Variants in PLCE1 observed in about 807,000 individuals in gnomAD.
The protein encoded by PLCE1 is 1-phosphatidylinositol 4,5-bisphosphate phosphodiesterase epsilon-1.
A neutral mutation model predicts 242.8 loss-of-function variants in PLCE1; 119 were observed. That is an observed-to-expected ratio of 0.49 (90% CI 0.42 to 0.57). PLCE1 has a LOEUF of 0.57. Ranked by LOEUF, PLCE1 falls within the 20% of genes least tolerant of loss-of-function variation. PLCE1 has a pLI of 0.00. For missense variants in PLCE1, 2,441 were observed against 2,788.8 expected (o/e 0.88, Z 2.81); for synonymous variants, 945 against 1,017.4 (o/e 0.93, Z 1.35).
chr10:94,261,102 G>C (rs527464234), intron 13 of PLCE1, among the ~76,000 whole-genome samples: 1 of 152,070 alleles, frequency 6.6e-6, no homozygotes, highest in East Asian at 1.9e-4. Flanking sequence ...TATCATACAG[G>C]ACAGTTTCAC....
intron 13 of PLCE1, among the ~76,000 whole-genome samples, chr10:94,261,211 G>A (rs908108485): frequency 2.0e-5 from 3 of 151,938 alleles, no homozygotes; most frequent in Non-Finnish European, 4.4e-5. Context: ...CCATAGTTTT[G>A]CCTTTTCCAG....
At chr10:94,167,988 A>G (rs1367302982) in intron 3 of PLCE1, among the ~76,000 whole-genome samples, 2 of 152,120 alleles carry the variant, frequency 1.3e-5, no homozygotes, top group Admixed American at 6.6e-5. Flanking sequence ...CGCCCGACCT[A>G]GAATGACTAT....
chr10:94,258,999 C>A lies in PLCE1; in HGVS notation c.3678-15C>A. On this transcript the variant is annotated splice_polypyrimidine_tract_variant and intron_variant, in intron 12 of 32. Transcript: ENST00000371380. Reference sequence around the variant, plus strand: ...AAAGATACTCAATGAGAGGTGTTTTCCATTCCTCATTCAGTGTCAGGAGCC... The same window carrying A: ...AAAGATACTCAATGAGAGGTGTTTTACATTCCTCATTCAGTGTCAGGAGCC... 6.2e-7 allele frequency: 1 copy of A among 1,614,042 alleles called. No homozygotes were observed. The highest frequency in any genetic ancestry group is 8.5e-7 in the Non-Finnish European group (1 of 1,179,952).
intron 25 of PLCE1, among the ~76,000 whole-genome samples, chr10:94,304,977 T>C (rs56041757): frequency 0.022 from 3,416 of 152,238 alleles, 35 homozygotes; most frequent in South Asian, 0.041. Flanking sequence ...TTAGATCAGC[T>C]CATGTTAGGC....
chr10:94,306,722 T>G lies in PLCE1; in HGVS notation c.5884+34T>G. The G allele has an allele frequency of 6.6e-7, 1 of 1,515,170 alleles. No homozygotes were observed. Among genetic ancestry groups the G allele is most frequent in the Non-Finnish European group, 9.1e-7 (1 of 1,099,266 alleles). 93.9% of individuals were successfully genotyped at this position (1,515,170 alleles called of 1,614,324 possible). ...AAATTGTCCAAATGTTAATAATTGT[T>G]GTAGCTAGGTGATGGATGCCAGAAT... On this transcript the variant is annotated intron_variant, in intron 26 of 32. Transcript: ENST00000371380. This position sits in a 1 kb window ranked among gnomAD's most constrained non-coding sequence, Gnocchi z 5.7.
chr10:94,014,793 G>A (rs573764757), intron 1 of PLCE1, among the ~76,000 whole-genome samples: 49 of 152,334 alleles, frequency 3.2e-4, no homozygotes, highest in African/African-American at 1.1e-3. Context: ...TGTGGTGATA[G>A]GAGAGGTGCC....
Position 94,298,614 on chromosome 10 carries a change from C to T in PLCE1, c.5403C>T (p.Pro1801=). 1 of 1,614,186 alleles carries T rather than the reference C, an allele frequency of 6.2e-7. No homozygotes were observed. Among genetic ancestry groups the T allele is most frequent in the Non-Finnish European group, 8.5e-7 (1 of 1,180,030 alleles). Residue 1801 remains proline, a synonymous_variant, in exon 24 of 33, where the codon CCC becomes CCT. Transcript: ENST00000371380. The surrounding 1 kb of genome is among the most constrained non-coding windows in gnomAD (Gnocchi z 5.2). ...GCATCGACTCTTCCAACCCGAACCC[C>T]CTCATGTTCTGGCTCCATGGGATAC... ...ATRIDSSNPN[P]LMFWLHGIQL...
At chr10:94,068,669 A>T (rs772592182) in intron 2 of PLCE1, among the ~76,000 whole-genome samples, 1 of 152,176 alleles carries the variant, frequency 6.6e-6, no homozygotes, top group African/African-American at 2.4e-5. Flanking sequence ...AGAAGTTTGC[A>T]TGTGTTAACT....
chr10:94,088,427 T>C (rs1389503198), intron 2 of PLCE1, among the ~76,000 whole-genome samples: 2 of 152,126 alleles, frequency 1.3e-5, no homozygotes, highest in East Asian at 3.8e-4. Flanking sequence ...CTTTTACCCC[T>C]CCCTTCACAA....
intron 5 of PLCE1, among the ~76,000 whole-genome samples, chr10:94,232,995 C>T (rs1360134707): frequency 6.6e-6 from 1 of 152,198 alleles, no homozygotes; most frequent in African/African-American, 2.4e-5. Context: ...TTCATCCTCT[C>T]ACAGAAAGGT....
intron 14 of PLCE1, among the ~76,000 whole-genome samples, chr10:94,264,935 C>A (rs2051458664): frequency 6.6e-6 from 1 of 152,168 alleles, no homozygotes; most frequent in Non-Finnish European, 1.5e-5. Context: ...TGAGGCCAGG[C>A]TGGGCAATAT....
intron 3 of PLCE1, among the ~76,000 whole-genome samples, chr10:94,145,609 C>T (rs560004315): frequency 5.3e-5 from 8 of 152,254 alleles, no homozygotes; most frequent in Non-Finnish European, 1.0e-4. Flanking sequence ...GGCCCGTGGG[C>T]TGACAGTGAT....
In PLCE1 at chr10:94,316,591, T is replaced by C. The variant is rs752301556; in HGVS notation, c.6177T>C (p.Tyr2059=). The change falls in exon 29 of 33, where the codon TAT becomes TAC. Residue 2059 remains tyrosine (Y), a synonymous_variant. Transcript: ENST00000371380. ...EQDIKPVTTD[Y]FLMEEKYFIS... ...ACATCAAACCTGTTACCACAGACTA[T>C]TTTTTGATGGAAGAAAAATATTTTA... 5 of 1,608,124 alleles carry C rather than the reference T, an allele frequency of 3.1e-6. No homozygotes were observed. The East Asian group carries it at 6.7e-5, about 22-fold the overall frequency.
chr10:94,147,122 TTC>T (rs1359973073), intron 3 of PLCE1, among the ~76,000 whole-genome samples: 1 of 152,156 alleles, frequency 6.6e-6, no homozygotes, highest in African/African-American at 2.4e-5. Context: ...CAGTTTTTTT[TTC>T]AAGTTGAGGA....
chr10:94,092,027 G>T (rs572912005), intron 2 of PLCE1, among the ~76,000 whole-genome samples: 1 of 152,286 alleles, frequency 6.6e-6, no homozygotes, highest in African/African-American at 2.4e-5. Context: ...CTGTGTGTGA[G>T]CCACTGTAAT....
chr10:94,241,734 C>T (rs936673313), intron 7 of PLCE1, among the ~76,000 whole-genome samples: 2 of 143,698 alleles, frequency 1.4e-5, no homozygotes, highest in Admixed American at 1.4e-4. Flanking sequence ...TTGCAGTGAG[C>T]TGAGATTGTG....
intron 4 of PLCE1, among the ~76,000 whole-genome samples, chr10:94,225,757 G>A (rs554512153): frequency 6.6e-6 from 1 of 152,334 alleles, no homozygotes; most frequent in Admixed American, 6.5e-5. Context: ...ATGAGCCATA[G>A]ATTCTCGATC....
intron 1 of PLCE1, among the ~76,000 whole-genome samples, chr10:94,003,538 A>T (rs1244685750): frequency 6.6e-6 from 1 of 152,154 alleles, no homozygotes; most frequent in Non-Finnish European, 1.5e-5. Flanking sequence ...AGCCACTTGG[A>T]TTTTACTTTG....
At chr10:94,173,940 G>C (rs897634806) in intron 4 of PLCE1, among the ~76,000 whole-genome samples, 2 of 152,150 alleles carry the variant, frequency 1.3e-5, no homozygotes, top group Non-Finnish European at 2.9e-5. Flanking sequence ...TAGTTCTTTT[G>C]TATACCTTAA....
Sources: gnomAD v4.1 joint callset for allele counts (sites outside exome capture counted in the v4.1 genomes callset) on GRCh38, gnomAD v4.1.1 for gene constraint, Gnocchi (gnomAD v3.1) non-coding constraint, MANE v1.5 for transcripts, NCBI Gene and HGNC (gene_info 2026-07-23, HGNC 2026-07-21) for gene names.